The following PDE1C variants were observed in gnomAD, a reference collection of about 807,000 sequenced individuals.
PDE1C encodes phosphodiesterase 1C.
In PDE1C, 62 loss-of-function variants were observed where a neutral mutation model predicts 93.1. The ratio of observed to expected loss-of-function variants is 0.67; its 90% CI spans 0.54 to 0.82. The LOEUF is 0.82. Among genes scored for constraint, PDE1C ranks in the 40% least tolerant of loss-of-function variants. PDE1C has a pLI of 0.00. For synonymous variants in PDE1C, 325 were observed against 310.1 expected (o/e 1.05, Z -0.50); for missense variants, 742 against 884.6 (o/e 0.84, Z 2.04).
At chr7:31,937,689 G>A (rs1008173670) in intron 2 of PDE1C, among the ~76,000 whole-genome samples, 1 of 152,150 alleles carries the variant, frequency 6.6e-6, no homozygotes, top group African/African-American at 2.4e-5. Flanking sequence ...ATGTTTTAAA[G>A]TCTGTTCAAA....
chr7:32,356,507 A>G lies in PDE1C; in HGVS notation c.310+71315T>C, dbSNP rs529374351. On this transcript the variant is annotated intron_variant, in intron 1 of 1. Transcript: ENST00000672256. ...TTGTTTCCTTAACCCAGGTGTTTTG[A>G]ATTATTTAGAATCTCATTTAGATGG... 2.0e-5 allele frequency among the ~76,000 whole-genome samples: 3 copies of G among 152,294 alleles called. No individual in the cohort carries two copies. In the South Asian group the frequency reaches 6.2e-4, roughly 32 times the overall value.
At chr7:32,371,733 A>G (rs143852100) in intron 1 of PDE1C, among the ~76,000 whole-genome samples, 1 of 152,246 alleles carries the variant, frequency 6.6e-6, no homozygotes, top group Non-Finnish European at 1.5e-5. Context: ...TTCTATGTTC[A>G]TGGACGAAAA....
intron 3 of PDE1C, among the ~76,000 whole-genome samples, chr7:32,087,550 A>C (rs1308870134): frequency 6.6e-6 from 1 of 152,182 alleles, no homozygotes; most frequent in Non-Finnish European, 1.5e-5. Context: ...ACACATGCAC[A>C]CGTATGTTTA....
the PDE1C span, among the ~76,000 whole-genome samples, chr7:31,699,892 G>C: frequency 1.3e-5 from 2 of 151,828 alleles, no homozygotes; most frequent in South Asian, 4.2e-4. Context: ...GCCCATATAA[G>C]ACTGTTAACT....
intron 1 of PDE1C, among the ~76,000 whole-genome samples, chr7:32,403,720 G>T (rs189262606): frequency 6.6e-6 from 1 of 152,070 alleles, no homozygotes; most frequent in Non-Finnish European, 1.5e-5. Flanking sequence ...ATACCCCCAC[G>T]CTTTGGCACG....
chr7:32,263,877 G>T (rs1318732782), intron 1 of PDE1C, among the ~76,000 whole-genome samples: 2 of 152,102 alleles, frequency 1.3e-5, no homozygotes, highest in Middle Eastern at 3.2e-3. Flanking sequence ...TCCTTCTGGG[G>T]CCTCACATCT....
chr7:31,692,155 A>C, the PDE1C span, among the ~76,000 whole-genome samples: 1 of 152,208 alleles, frequency 6.6e-6, no homozygotes, highest in Non-Finnish European at 1.5e-5. Context: ...GAGAGAGGGC[A>C]AATATTGGAC....
At chr7:31,732,556 T>TA in the PDE1C span, among the ~76,000 whole-genome samples, 1 of 152,184 alleles carries the variant, frequency 6.6e-6, no homozygotes, top group African/African-American at 2.4e-5. Context: ...GGCCTACCCT[T>TA]TGGATTTCAG....
intron 1 of PDE1C, among the ~76,000 whole-genome samples, chr7:32,337,072 C>G (rs1038280025): frequency 6.6e-6 from 1 of 152,078 alleles, no homozygotes; most frequent in Admixed American, 6.6e-5. Context: ...TCCTTTCCAC[C>G]CCTACTTTCC....
chr7:32,313,300 T>C (rs1335316642), intron 1 of PDE1C, among the ~76,000 whole-genome samples: 1 of 150,876 alleles, frequency 6.6e-6, no homozygotes, highest in African/African-American at 2.4e-5. Flanking sequence ...TTTTACACTG[T>C]TGGTGGGACT....
At chr7:32,057,239 C>A (rs184803865) in intron 1 of PDE1C, among the ~76,000 whole-genome samples, 1 of 152,152 alleles carries the variant, frequency 6.6e-6, no homozygotes, top group Non-Finnish European at 1.5e-5. Flanking sequence ...TAACTCAATG[C>A]GGAGATCTCA....
the PDE1C span, chr7:31,652,598 G>T: frequency 6.2e-7 from 1 of 1,612,802 alleles, no homozygotes; most frequent in Admixed American, 1.7e-5. Context: ...AAAGCAATGG[G>T]CAGACTTCAT....
intron 2 of PDE1C, among the ~76,000 whole-genome samples, chr7:31,991,250 C>A (rs1784103983): frequency 6.6e-6 from 1 of 152,186 alleles, no homozygotes; most frequent in Non-Finnish European, 1.5e-5. Context: ...GCCTATTAAA[C>A]ATCTCTTTGA....
At chr7:31,713,633 T>C in the PDE1C span, among the ~76,000 whole-genome samples, 65,751 of 152,108 alleles carry the variant, frequency 0.43, 15,875 homozygotes, top group East Asian at 0.7. Flanking sequence ...ATGAGGACTC[T>C]GCCCCTGCAC....
the PDE1C span, among the ~76,000 whole-genome samples, chr7:31,651,763 AGTT>A: frequency 2.5e-4 from 34 of 136,850 alleles, no homozygotes; most frequent in Non-Finnish European, 2.5e-4. Context: ...ACTGCAATAA[AGTT>A]GTTTTTTTTT....
intron 2 of PDE1C, among the ~76,000 whole-genome samples, chr7:31,977,548 A>AC (rs1387453595): frequency 6.6e-6 from 1 of 151,960 alleles, no homozygotes; most frequent in African/African-American, 2.4e-5. Flanking sequence ...CCTCACCTCC[A>AC]CCCCATGTCA....
the PDE1C span, chr7:31,651,828 C>T: frequency 1.5e-6 from 1 of 651,290 alleles, no homozygotes; most frequent in Admixed American, 2.8e-5. Context: ...ATAAAGATGA[C>T]ATTCTCTTTT....
chr7:32,410,568 T>G (rs142350520), intron 1 of PDE1C, among the ~76,000 whole-genome samples: 1 of 152,292 alleles, frequency 6.6e-6, no homozygotes, highest in East Asian at 1.9e-4. Flanking sequence ...TTGGCCATTA[T>G]CTACCCATCA....
At chr7:31,619,502 G>A in the PDE1C span, among the ~76,000 whole-genome samples, 1 of 151,726 alleles carries the variant, frequency 6.6e-6, no homozygotes, top group African/African-American at 2.4e-5. Flanking sequence ...ATAGCATTTT[G>A]ATAAGAATAA....
Sources: allele counts gnomAD v4.1 joint callset (sites outside exome capture counted in the v4.1 genomes callset), GRCh38; gene constraint gnomAD v4.1.1; transcripts MANE v1.5; gene names NCBI Gene and HGNC (gene_info 2026-07-23, HGNC 2026-07-21).